Variants in LOXHD1 observed in about 807,000 individuals in gnomAD.
LOXHD1 encodes the protein lipoxygenase homology domain-containing protein 1.
Under a neutral mutation model 248.2 loss-of-function variants are expected in LOXHD1, and 205 were observed. The observed-to-expected ratio is 0.83, with a 90% CI of 0.74 to 0.93. The LOEUF (loss-of-function observed/expected upper bound fraction) is 0.93, where lower values mean the gene tolerates loss of function less well. LOXHD1 is among the 40% of genes least tolerant of loss of function. LOXHD1 has a pLI of 0.00. For missense variants in LOXHD1, 2,930 were observed against 2,971.6 expected, an observed-to-expected ratio of 0.99 and a Z score of 0.33; for synonymous variants, 1,113 against 1,162.8, an observed-to-expected ratio of 0.96 and a Z score of 0.87.
intron 21 of LOXHD1, among the ~76,000 whole-genome samples, chr18:46,550,152 C>T (rs2037027237): frequency 6.6e-6 from 1 of 152,198 alleles, no homozygotes; most frequent in East Asian, 1.9e-4. Context: ...CCAAATATCC[C>T]ACCATTTCTG....
Position 46,580,736 on chromosome 18 carries a change from G to A in LOXHD1, c.1655-952C>T, listed in dbSNP as rs550268027. The stretch of plus-strand genomic sequence containing the variant: ...AGATAACACAGTGGAGGGACATCTT[G>A]GAGTGGTAAGGAGTGGAGTGAGGGA... On this transcript the variant is annotated intron_variant, in intron 12 of 40. Transcript: ENST00000642948. Among the ~76,000 whole-genome samples, 89 of 152,326 alleles carry A rather than the reference G, an allele frequency of 5.8e-4. 1 individual carries two copies. Among genetic ancestry groups the A allele is most frequent in the Non-Finnish European group, 5.0e-4 (34 of 68,028 alleles).
chr18:46,606,715 C>T (rs907138829), intron 6 of LOXHD1, among the ~76,000 whole-genome samples: 2 of 151,968 alleles, frequency 1.3e-5, no homozygotes, highest in African/African-American at 2.4e-5. Context: ...TATATTCAAC[C>T]TGTATAGCAT....
rs1030056893 is a variant in LOXHD1, at chr18:46,569,616, C to T, written c.2070G>A (p.Leu690=). The T allele has an allele frequency of 1.7e-5, 26 of 1,551,138 alleles. No individual in the cohort carries two copies. The highest frequency in any genetic ancestry group is 2.2e-5 in the Non-Finnish European group (25 of 1,146,640). The change falls in exon 16 of 41, where the codon TTG becomes TTA. Residue 690 remains leucine, a synonymous_variant. Coordinates refer to ENST00000642948, the MANE Select transcript of LOXHD1 (RefSeq NM_001384474.1). ...TLKNFRYHIS[L]KTGDVSGAST... ...TGGCCCCAGAGACATCCCCAGTCTT[C>T]AAGCTGATGTGATAGCGAAAGTCTG...
At chr18:46,592,422 T>G in intron 11 of LOXHD1, 76 bp downstream of exon 11, 1 of 1,231,590 alleles carries the variant, frequency 8.1e-7, no homozygotes, top group Non-Finnish European at 1.2e-6. Flanking sequence ...CAAATTTATG[T>G]GACAGGGTCA....
In LOXHD1 at chr18:46,524,758, G is replaced by C; in HGVS notation, c.4690C>G (p.Leu1564Val). 6.4e-7 allele frequency: 1 copy of C among 1,551,756 alleles called. No individual in the cohort carries two copies. Among genetic ancestry groups the C allele is most frequent in the East Asian group, 2.4e-5 (1 of 40,922 alleles). Residue 1564 changes from leucine (L) to valine (V), a missense_variant, in exon 30 of 41, where the codon CTC (leucine) becomes GTC (valine). Leu to Val is a conservative substitution (Grantham distance 32). Coordinates refer to ENST00000642948, the MANE Select transcript of LOXHD1 (RefSeq NM_001384474.1). Reference sequence around the variant, plus strand: ...CGCCCATCCTCCTTCTTCAGGGAGAGCCAGCGCCCGCATAGGAACAGGAAC... The same window carrying C: ...CGCCCATCCTCCTTCTTCAGGGAGACCCAGCGCCCGCATAGGAACAGGAAC... ...DEFLFLCGRW[L>V]SLKKEDGRLE...
At chr18:46,499,931 C>G (rs993438150) in intron 37 of LOXHD1, among the ~76,000 whole-genome samples, 1 of 152,062 alleles carries the variant, frequency 6.6e-6, no homozygotes, top group South Asian at 2.1e-4. Context: ...AATTTATGTC[C>G]GGGAAACTAT....
Position 46,559,444 on chromosome 18 carries a change from C to T in LOXHD1, c.3216+4G>A. ...CACCCAGGGGCCAGAGACCCTCACCCTACCTGCCCCTGCTCAAATTTGTTG... is the reference window on the plus strand; with the variant it reads ...CACCCAGGGGCCAGAGACCCTCACCTTACCTGCCCCTGCTCAAATTTGTTG... On this transcript the variant is annotated splice_donor_region_variant and intron_variant, in intron 20 of 40. Coordinates refer to ENST00000642948, the MANE Select transcript of LOXHD1 (RefSeq NM_001384474.1). 6.4e-7 allele frequency: 1 copy of T among 1,552,078 alleles called. No homozygotes were observed. Among genetic ancestry groups the T allele is most frequent in the South Asian group, 1.2e-5 (1 of 84,044 alleles).
intron 14 of LOXHD1, among the ~76,000 whole-genome samples, chr18:46,576,437 G>A (rs1599020400): frequency 6.6e-6 from 1 of 152,066 alleles, no homozygotes; most frequent in Admixed American, 6.5e-5. Flanking sequence ...CCAACCTCTG[G>A]ATGAGCCACC....
rs541899498 is a variant in LOXHD1, at chr18:46,548,054, G to C, written c.3351-996C>G. ...TATAAAAATGCCTGGCTCAATGTAGGCTCTCAGTAAGCATTGCTACTGCTA... is the reference window on the plus strand; with the variant it reads ...TATAAAAATGCCTGGCTCAATGTAGCCTCTCAGTAAGCATTGCTACTGCTA... On this transcript the variant is annotated intron_variant, in intron 21 of 40. Coordinates refer to ENST00000642948, the MANE Select transcript of LOXHD1 (RefSeq NM_001384474.1). Among the ~76,000 whole-genome samples the C allele has an allele frequency of 4.6e-5, 7 of 152,290 alleles. No individual in the cohort carries two copies. The South Asian group carries it at 1.2e-3, about 27-fold the overall frequency.
At chr18:46,496,096 T>C (rs2143741061) in intron 37 of LOXHD1, among the ~76,000 whole-genome samples, 1 of 152,330 alleles carries the variant, frequency 6.6e-6, no homozygotes, top group East Asian at 1.9e-4. Context: ...GATTTGATTT[T>C]ATATCCCCCA....
At chr18:46,545,899 G>A (rs2036798677) in intron 22 of LOXHD1, among the ~76,000 whole-genome samples, 2 of 151,316 alleles carry the variant, frequency 1.3e-5, no homozygotes, top group Non-Finnish European at 2.9e-5. Flanking sequence ...AAAGTGCTGG[G>A]ATTACAGGCG....
At chr18:46,497,897 T>C (rs2033975411) in intron 37 of LOXHD1, among the ~76,000 whole-genome samples, 1 of 152,130 alleles carries the variant, frequency 6.6e-6, no homozygotes, top group Non-Finnish European at 1.5e-5. Flanking sequence ...CAGGCAGATA[T>C]AATCATGGCA....
At position 46,521,268 on chromosome 18, in the gene LOXHD1, C is replaced by T. The variant is rs1416461909; in HGVS notation, c.5100G>A (p.Gly1700=). ...IIKKIELGHD[G]ASPESCWLVE... ...CCAGCCAGCAGCTCTCAGGGGAGGC[C>T]CCGTCATGGCCCAGCTAGGAGGAGA... The change falls in exon 33 of 41, where the codon GGG becomes GGA. Residue 1700 remains glycine (G), a synonymous_variant. Coordinates refer to ENST00000642948, the MANE Select transcript of LOXHD1 (RefSeq NM_001384474.1). 6.4e-7 allele frequency: 1 copy of T among 1,551,634 alleles called. No individual in the cohort carries two copies. Among genetic ancestry groups the T allele is most frequent in the Non-Finnish European group, 8.7e-7 (1 of 1,146,968 alleles).
At chr18:46,488,413 C>G (rs759387873) in intron 38 of LOXHD1, among the ~76,000 whole-genome samples, 14 of 152,204 alleles carry the variant, frequency 9.2e-5, no homozygotes, top group Non-Finnish European at 1.8e-4. Context: ...AAATCCATTT[C>G]TTATGTCACG....
intron 4 of LOXHD1, among the ~76,000 whole-genome samples, chr18:46,634,361 T>G (rs576082349): frequency 5.3e-5 from 8 of 152,302 alleles, no homozygotes; most frequent in Admixed American, 2.6e-4. Flanking sequence ...ACTTGTACAG[T>G]TGGGTATCCC....
intron 26 of LOXHD1, 57 bp from the exon 27 acceptor site, chr18:46,534,508 C>T: frequency 7.4e-7 from 1 of 1,360,032 alleles, no homozygotes; most frequent in Non-Finnish European, 1.0e-6. Flanking sequence ...AAAGTATGGC[C>T]TTGGCAACAT....
At chr18:46,507,394 G>A (rs1370205770) in intron 36 of LOXHD1, 144 bp downstream of exon 36, 3 of 849,624 alleles carry the variant, frequency 3.5e-6, no homozygotes, top group Non-Finnish European at 3.7e-6. Flanking sequence ...GACAGAAAGC[G>A]ACACACTGTG....
At chr18:46,546,759 G>T in intron 22 of LOXHD1, 136 bp downstream of exon 22, 1 of 979,664 alleles carries the variant, frequency 1.0e-6, no homozygotes, top group Non-Finnish European at 1.5e-6. Context: ...AGAGGAATGA[G>T]AGGGCAATAC....
At chr18:46,494,582 A>G (rs909211169) in intron 37 of LOXHD1, among the ~76,000 whole-genome samples, 1 of 152,098 alleles carries the variant, frequency 6.6e-6, no homozygotes, top group African/African-American at 2.4e-5. Context: ...TTTTTCACAT[A>G]TGTTATCTAA....
Sources: gnomAD v4.1 joint callset for allele counts (sites outside exome capture counted in the v4.1 genomes callset) on GRCh38, gnomAD v4.1.1 for gene constraint, MANE v1.5 for transcripts, NCBI Gene and HGNC (gene_info 2026-07-23, HGNC 2026-07-21) for gene names.